The following RYR3 variants were observed in gnomAD, a reference collection of about 807,000 sequenced individuals.
RYR3 encodes ryanodine receptor 3.
RYR3 carries 207 observed loss-of-function variants against 584.3 expected under a neutral mutation model. That is an observed-to-expected ratio of 0.35 (90% CI 0.32 to 0.40). The LOEUF is 0.40. Ranked by LOEUF, RYR3 falls within the 10% of genes least tolerant of loss-of-function variation. The probability of loss-of-function intolerance (pLI) is 1.00; values close to 1 mark genes in which losing one functional copy is unlikely to be tolerated. For missense variants in RYR3, 5,616 were observed against 6,089.2 expected (o/e 0.92, Z 2.59); for synonymous variants, 2,416 against 2,248.5 (o/e 1.07, Z -2.11).
chr15:33,371,778 GC>G (rs1385570356), intron 1 of RYR3, among the ~76,000 whole-genome samples: 2 of 152,172 alleles, frequency 1.3e-5, no homozygotes, highest in African/African-American at 4.8e-5. Context: ...CTGATGTCTT[GC>G]TGGCTACAAC....
chr15:33,825,166 A>G (rs112705825), intron 81 of RYR3, among the ~76,000 whole-genome samples: 18 of 152,360 alleles, frequency 1.2e-4, no homozygotes, highest in African/African-American at 4.1e-4. Flanking sequence ...CCACAATTCC[A>G]TGTGATTCTC....
intron 10 of RYR3, among the ~76,000 whole-genome samples, chr15:33,553,279 C>T (rs1265802519): frequency 6.6e-6 from 1 of 152,106 alleles, no homozygotes; most frequent in Non-Finnish European, 1.5e-5. Context: ...TGTGCTGGGC[C>T]GTGAGTCATT....
At chr15:33,608,608 C>A (rs1326834982) in intron 18 of RYR3, among the ~76,000 whole-genome samples, 1 of 152,224 alleles carries the variant, frequency 6.6e-6, no homozygotes, top group Admixed American at 6.5e-5. Context: ...TTGCTCTAAG[C>A]ACTTGCTAAG....
chr15:33,471,044 T>A (rs1436339601), intron 1 of RYR3, among the ~76,000 whole-genome samples: 1 of 152,218 alleles, frequency 6.6e-6, no homozygotes, highest in African/African-American at 2.4e-5. Flanking sequence ...TTGAATTAAC[T>A]CATCTCATAA....
intron 1 of RYR3, among the ~76,000 whole-genome samples, chr15:33,355,463 G>A (rs1973844566): frequency 6.6e-6 from 1 of 152,150 alleles, no homozygotes; most frequent in Non-Finnish European, 1.5e-5. Flanking sequence ...TACTGTACAT[G>A]TAAGGAAACT....
At chr15:33,834,943 C>T (rs1363946373) in intron 86 of RYR3, 25 bp from the exon 87 acceptor site, 1 of 1,594,548 alleles carries the variant, frequency 6.3e-7, no homozygotes, top group Non-Finnish European at 8.6e-7. Context: ...GTTTAAGTGA[C>T]ATAAGAATGT....
chr15:33,731,260 T>TC (rs2068923155), intron 47 of RYR3, among the ~76,000 whole-genome samples: 1 of 151,894 alleles, frequency 6.6e-6, no homozygotes, highest in Non-Finnish European at 1.5e-5. Flanking sequence ...TTTGTGTGTT[T>TC]TTTTTTTGTT....
intron 89 of RYR3, among the ~76,000 whole-genome samples, chr15:33,839,335 C>G (rs546441338): frequency 5.9e-5 from 9 of 152,324 alleles, no homozygotes; most frequent in African/African-American, 2.2e-4. Context: ...TGAGTCCGTG[C>G]TTTCTCAGTG....
intron 32 of RYR3, 112 bp downstream of exon 32, chr15:33,652,995 C>T (rs2062580728): frequency 9.2e-7 from 1 of 1,090,328 alleles, no homozygotes; most frequent in African/African-American, 1.6e-5. Context: ...AGCTGATGAG[C>T]CCATGTGGGC....
At chr15:33,409,645 A>T (rs1596015500) in intron 1 of RYR3, among the ~76,000 whole-genome samples, 1 of 152,166 alleles carries the variant, frequency 6.6e-6, no homozygotes, top group African/African-American at 2.4e-5. Context: ...GTCGTTTTAA[A>T]ATTTTCCCTA....
chr15:33,725,196 CACACACAT>C (rs1266101450), intron 45 of RYR3, among the ~76,000 whole-genome samples: 2,173 of 131,104 alleles, frequency 0.017, 36 homozygotes, highest in African/African-American at 0.036. Flanking sequence ...CACACACACA[CACACACAT>C]ATATACATCC....
chr15:33,813,943 A>G (rs58654353), intron 74 of RYR3, among the ~76,000 whole-genome samples: 4,609 of 152,308 alleles, frequency 0.03, 252 homozygotes, highest in African/African-American at 0.1. Context: ...AATTCCATCA[A>G]CAGTTCCAAT....
intron 3 of RYR3, among the ~76,000 whole-genome samples, chr15:33,523,380 C>T (rs1348374489): frequency 6.6e-6 from 1 of 152,126 alleles, no homozygotes; most frequent in African/African-American, 2.4e-5. Context: ...ACACTCACTG[C>T]GAGGGTCTGA....
At position 33,600,841 on chromosome 15, in the gene RYR3, T is replaced by G. The variant is rs563066298; in HGVS notation, c.1789-578T>G. On this transcript the variant is annotated intron_variant, in intron 16 of 103. Coordinates refer to ENST00000634891, the MANE Select transcript of RYR3 (RefSeq NM_001036.6). ...GCAAGACCTTAGCCAAATGGGAATC[T>G]TACGTGCCTTTTTATTAAGACCTGT... 6.2e-4 allele frequency among the ~76,000 whole-genome samples: 95 copies of G among 152,312 alleles called. No individual in the cohort carries two copies. In the South Asian group the frequency reaches 0.016, roughly 26 times the overall value.
intron 49 of RYR3, among the ~76,000 whole-genome samples, chr15:33,736,753 C>CT (rs373773303): frequency 0.014 from 2,041 of 149,100 alleles, 26 homozygotes; most frequent in African/African-American, 0.047. Flanking sequence ...TTGTTTTCTA[C>CT]TTTTTTTTTA....
At chr15:33,447,052 GAATGACAGA>G (rs1446486650) in intron 1 of RYR3, among the ~76,000 whole-genome samples, 2 of 152,220 alleles carry the variant, frequency 1.3e-5, no homozygotes, top group African/African-American at 4.8e-5. Flanking sequence ...GCCCTGATTA[GAATGACAGA>G]AATGAGGCCA....
chr15:33,863,763 A>T (rs1889396849), intron 102 of RYR3, among the ~76,000 whole-genome samples: 1 of 152,244 alleles, frequency 6.6e-6, no homozygotes, highest in South Asian at 2.1e-4. Flanking sequence ...ATTCAATTCT[A>T]CATTTTTATG....
chr15:33,483,614 A>G (rs1477305173), intron 2 of RYR3, among the ~76,000 whole-genome samples: 1 of 152,208 alleles, frequency 6.6e-6, no homozygotes, highest in Admixed American at 6.5e-5. Context: ...ACACCTCTAA[A>G]TAGCCAGACT....
chr15:33,511,194 T>A (rs1485214188), intron 3 of RYR3, among the ~76,000 whole-genome samples: 1 of 152,108 alleles, frequency 6.6e-6, no homozygotes, highest in Non-Finnish European at 1.5e-5. Flanking sequence ...ATTGCTTGCT[T>A]ATAGTTTGTT....
Sources: gnomAD v4.1 joint callset for allele counts (sites outside exome capture counted in the v4.1 genomes callset) on GRCh38, gnomAD v4.1.1 for gene constraint, MANE v1.5 for transcripts, NCBI Gene and HGNC (gene_info 2026-07-23, HGNC 2026-07-21) for gene names.